Variants in GATA4 observed in about 807,000 individuals in gnomAD.
GATA4 encodes GATA binding protein 4, also known as transcription factor GATA-4.
Under a neutral mutation model 37.9 loss-of-function variants are expected in GATA4, and 7 were observed. That is an observed-to-expected ratio of 0.18 (90% CI 0.11 to 0.35). The LOEUF (loss-of-function observed/expected upper bound fraction) is 0.35. Ranked by LOEUF, GATA4 falls within the 10% of genes least tolerant of loss-of-function variation. The probability of loss-of-function intolerance (pLI) is 1.00; values close to 1 mark genes in which losing one functional copy is unlikely to be tolerated. For missense variants in GATA4, 647 were observed against 653.0 expected (o/e 0.99, Z 0.10); for synonymous variants, 372 against 292.6 (o/e 1.27, Z -2.77).
intron 1 of GATA4, among the ~76,000 whole-genome samples, chr8:11,678,995 C>G (rs1221243301): frequency 3.3e-5 from 5 of 152,096 alleles, no homozygotes; most frequent in African/African-American, 1.2e-4. Flanking sequence ...TTTCTAATGT[C>G]TTGTTATATT....
At chr8:11,712,353 T>C (rs886904608) in intron 2 of GATA4, among the ~76,000 whole-genome samples, 1 of 152,108 alleles carries the variant, frequency 6.6e-6, no homozygotes, top group African/African-American at 2.4e-5. Context: ...GGTAATGAGC[T>C]GAGAACAAAG....
At chr8:11,722,873 A>G (rs545040095) in intron 2 of GATA4, among the ~76,000 whole-genome samples, 16 of 152,342 alleles carry the variant, frequency 1.1e-4, no homozygotes, top group African/African-American at 2.6e-4. Flanking sequence ...TTCTATAGCA[A>G]CAAGCACATT....
chr8:11,709,839 C>G lies in GATA4; in HGVS notation c.616+911C>G, dbSNP rs1800092912. 6.6e-6 allele frequency among the ~76,000 whole-genome samples: 1 copy of G among 152,106 alleles called. No individual in the cohort carries two copies. ...AACGCAGCGGGATCTGAGAAGGGGC[C>G]TGAGTACACGGGCCGGGGGAGAAAG... On this transcript the variant is annotated intron_variant, in intron 2 of 6. Transcript: ENST00000532059. The surrounding 1 kb of genome is among the most constrained non-coding windows in gnomAD (Gnocchi z 4.3).
At chr8:11,681,492 C>CGGGGGGGGGGGGGGGGGGGGG (rs202218053) in intron 1 of GATA4, 1 of 916,964 alleles carries the variant, frequency 1.1e-6, no homozygotes, top group African/African-American at 2.3e-5. Context: ...GCGGCGCTCG[C>CGGGGGGGGGGGGGGGGGGGGG]GGGGGGGGGG....
At chr8:11,713,397 G>T (rs540683179) in intron 2 of GATA4, among the ~76,000 whole-genome samples, 1 of 152,138 alleles carries the variant, frequency 6.6e-6, no homozygotes, top group Non-Finnish European at 1.5e-5. Context: ...AAATATTTGC[G>T]TAGGGATCTT....
At chr8:11,692,218 G>A (rs1799336722), upstream of GATA4, among the ~76,000 whole-genome samples, 1 of 152,236 alleles carries the variant, frequency 6.6e-6, no homozygotes, top group East Asian at 1.9e-4. Flanking sequence ...CAACCAGAGG[G>A]AGGAAGGTGG....
intron 2 of GATA4, among the ~76,000 whole-genome samples, chr8:11,712,642 G>A (rs1056948722): frequency 1.3e-5 from 2 of 150,768 alleles, no homozygotes; most frequent in African/African-American, 2.5e-5. Context: ...GATTGCTTGA[G>A]CTCGGGAGTT....
At chr8:11,731,459 T>A (rs1801204883) in intron 2 of GATA4, among the ~76,000 whole-genome samples, 1 of 152,180 alleles carries the variant, frequency 6.6e-6, no homozygotes, top group Admixed American at 6.5e-5. Flanking sequence ...TTACGCTAAG[T>A]GAAACAAGCC....
upstream of GATA4, among the ~76,000 whole-genome samples, chr8:11,701,351 C>G (rs1481804666): frequency 2.6e-5 from 4 of 152,182 alleles, no homozygotes; most frequent in East Asian, 7.7e-4. Flanking sequence ...TTGGGCCTGT[C>G]TACCCAGGCC....
chr8:11,700,934 C>G (rs936871835), upstream of GATA4, among the ~76,000 whole-genome samples: 3 of 152,118 alleles, frequency 2.0e-5, no homozygotes, highest in Non-Finnish European at 2.9e-5. Flanking sequence ...TGGACAGGTC[C>G]CACCAAAAAC....
chr8:11,689,575 T>A (rs934306403), upstream of GATA4, among the ~76,000 whole-genome samples: 1 of 152,212 alleles, frequency 6.6e-6, no homozygotes, highest in African/African-American at 2.4e-5. Flanking sequence ...AGAGGTGCAA[T>A]ATGTGCCTGG....
Position 11,749,197 on chromosome 8 carries a change from C to G in GATA4, c.786+112C>G. The G allele has an allele frequency of 9.8e-7, 1 of 1,020,478 alleles. No individual in the cohort carries two copies. The highest frequency in any genetic ancestry group is 1.5e-6 in the Non-Finnish European group (1 of 676,710). The allele number at this position is 1,020,478 out of a possible 1,614,324, so 63.2% of individuals were successfully genotyped here. ...ACTTGAGGGTGTGCATCGGGGATTA[C>G]GTGGGTGAGAGCCCCATAATAATTC... On this transcript the variant is annotated intron_variant, in intron 3 of 6. Transcript: ENST00000532059. This position sits in a 1 kb window ranked among gnomAD's most constrained non-coding sequence, Gnocchi z 4.6.
chr8:11,689,058 A>T (rs1277782014), upstream of GATA4, among the ~76,000 whole-genome samples: 1 of 152,212 alleles, frequency 6.6e-6, no homozygotes, highest in Non-Finnish European at 1.5e-5. Flanking sequence ...ATAAATAACA[A>T]AGCAGCGGCA....
chr8:11,748,488 G>A (rs987795062), intron 2 of GATA4, among the ~76,000 whole-genome samples: 2 of 152,252 alleles, frequency 1.3e-5, no homozygotes, highest in African/African-American at 4.8e-5. Flanking sequence ...ATATATTTTG[G>A]CACTAATTTT....
Position 11,680,848 on chromosome 8 carries a change from G to T in GATA4, c.-274+3785G>T, listed in dbSNP as rs111459165. On this transcript the variant is annotated intron_variant, in intron 1 of 6. Transcript: ENST00000528712. Reference sequence around the variant, plus strand: ...CACGCTCTGGGCAGCAAGACACATAGCGAAGCCCCTGACCCATTTCTTCTC... The same window carrying T: ...CACGCTCTGGGCAGCAAGACACATATCGAAGCCCCTGACCCATTTCTTCTC... The T allele has an allele frequency of 6.5e-4, 639 of 985,378 alleles. 2 individuals carry two copies. The African/African-American group carries it at 0.01, about 16-fold the overall frequency. The allele number at this position is 985,378 out of a possible 1,614,324, so 61.0% of individuals were successfully genotyped here. A position where few individuals can be genotyped will look rare whatever the true frequency, so the allele number is the denominator to read the frequency against.
At chr8:11,684,001 A>G (rs76958170) in intron 1 of GATA4, among the ~76,000 whole-genome samples, 9 of 152,350 alleles carry the variant, frequency 5.9e-5, no homozygotes, top group Non-Finnish European at 8.8e-5. Context: ...GTGACTCCCA[A>G]GTCTCCGGGT....
At chr8:11,729,929 G>T (rs1181920796) in intron 2 of GATA4, among the ~76,000 whole-genome samples, 2 of 138,570 alleles carry the variant, frequency 1.4e-5, no homozygotes, top group African/African-American at 4.9e-5. Context: ...TGTTGTCGTT[G>T]TTTCTATTGT....
chr8:11,746,430 A>C (rs1443579227), intron 2 of GATA4, among the ~76,000 whole-genome samples: 2 of 152,116 alleles, frequency 1.3e-5, no homozygotes, highest in East Asian at 3.8e-4. Flanking sequence ...TTTGGAATGG[A>C]AAGGTGATCT....
At chr8:11,736,545 T>C (rs1801466529) in intron 2 of GATA4, among the ~76,000 whole-genome samples, 4 of 152,340 alleles carry the variant, frequency 2.6e-5, no homozygotes, top group Non-Finnish European at 5.9e-5. Context: ...TGGCAGGAAC[T>C]CTGCAGCCCA....
Sources: allele counts gnomAD v4.1 joint callset (sites outside exome capture counted in the v4.1 genomes callset), GRCh38; gene constraint gnomAD v4.1.1; non-coding constraint Gnocchi (gnomAD v3.1); transcripts MANE v1.5; gene names NCBI Gene and HGNC (gene_info 2026-07-23, HGNC 2026-07-21).